NOL10: variants seen among roughly 807,000 people sequenced by gnomAD.
NOL10 encodes nucleolar protein 10.
NOL10 carries 58 observed loss-of-function variants against 103.5 expected under a neutral mutation model. The ratio of observed to expected loss-of-function variants is 0.56; its 90% CI spans 0.45 to 0.70. The LOEUF (loss-of-function observed/expected upper bound fraction) is 0.70, where lower values mean the gene tolerates loss of function less well. Among genes scored for constraint, NOL10 ranks in the 30% least tolerant of loss-of-function variants. The pLI is 0.00. For missense variants in NOL10, 763 were observed against 807.3 expected (o/e 0.95, Z 0.67); for synonymous variants, 287 against 282.5 (o/e 1.02, Z -0.16).
chr2:10,572,141 T>C lies in NOL10; in HGVS notation c.1997A>G (p.Glu666Gly). Residue 666 changes from glutamate (E) to glycine (G), a missense_variant, in exon 21 of 21, where the codon GAA becomes GGA. Coordinates refer to ENST00000381685, the MANE Select transcript of NOL10 (RefSeq NM_024894.4). ...QQEAEKLHRQ[E>G]RKRLRRSAGH... ...GGCCGAACGACGGAGTCTTTTCCTT[T>C]CTTGTCGATGCAGTTTCTCAGCCTC... 2 of 1,614,022 alleles carry C rather than the reference T, an allele frequency of 1.2e-6. No homozygotes were observed. Among genetic ancestry groups the C allele is most frequent in the Non-Finnish European group, 1.7e-6 (2 of 1,179,900 alleles).
intron 12 of NOL10, among the ~76,000 whole-genome samples, chr2:10,652,107 G>A (rs1159219349): frequency 6.6e-6 from 1 of 152,090 alleles, no homozygotes; most frequent in African/African-American, 2.4e-5. Flanking sequence ...GGGCGTGGTG[G>A]CGGGCACCTG....
At chr2:10,647,334 C>A (rs762097662) in intron 12 of NOL10, among the ~76,000 whole-genome samples, 1 of 152,206 alleles carries the variant, frequency 6.6e-6, no homozygotes, top group South Asian at 2.1e-4. Context: ...TCTACAGCTG[C>A]TCAAAGTGTG....
chr2:10,652,970 C>T (rs534095448), intron 12 of NOL10, among the ~76,000 whole-genome samples: 6 of 152,098 alleles, frequency 3.9e-5, no homozygotes, highest in Admixed American at 3.3e-4. Context: ...TGGAGGCAGG[C>T]GGATCACTTG....
chr2:10,649,628 T>C (rs151239457), intron 12 of NOL10, among the ~76,000 whole-genome samples: 127 of 152,258 alleles, frequency 8.3e-4, no homozygotes, highest in Non-Finnish European at 1.4e-3. Flanking sequence ...CCTGAAATTC[T>C]TCATAATTAA....
chr2:10,682,890 T>C lies in NOL10; in HGVS notation c.113-821A>G, dbSNP rs557614186. Among the ~76,000 whole-genome samples, 6 of 152,224 alleles carry C rather than the reference T, an allele frequency of 3.9e-5. No homozygotes were observed. The South Asian group carries it at 1.2e-3, about 32-fold the overall frequency. ...ACCTCCACCTCCCAGGTTCAAGCAATTCTCCTGCCTCAGCTTCCCAAGTAG... is the reference window on the plus strand; with the variant it reads ...ACCTCCACCTCCCAGGTTCAAGCAACTCTCCTGCCTCAGCTTCCCAAGTAG... On this transcript the variant is annotated intron_variant, in intron 2 of 20. Coordinates refer to ENST00000381685, the MANE Select transcript of NOL10 (RefSeq NM_024894.4).
intron 13 of NOL10, among the ~76,000 whole-genome samples, chr2:10,632,525 T>C (rs1677916221): frequency 6.6e-6 from 1 of 152,246 alleles, no homozygotes; most frequent in Admixed American, 6.5e-5. Context: ...GGACCTATTT[T>C]ACAACTTTGC....
chr2:10,625,004 G>A (rs995210120), intron 13 of NOL10, among the ~76,000 whole-genome samples: 3 of 152,200 alleles, frequency 2.0e-5, no homozygotes, highest in African/African-American at 7.2e-5. Flanking sequence ...ATAGGATTAA[G>A]TGAAAGAAGC....
At chr2:10,580,596 CA>C (rs1456910184) in intron 19 of NOL10, among the ~76,000 whole-genome samples, 2 of 152,024 alleles carry the variant, frequency 1.3e-5, no homozygotes, top group East Asian at 1.9e-4. Context: ...AGAAGGCTCC[CA>C]GGGGAAGAAC....
chr2:10,644,402 T>G (rs3821196), intron 12 of NOL10, 30 bp from the exon 13 acceptor site: 2 of 1,494,260 alleles, frequency 1.3e-6, no homozygotes, highest in Non-Finnish European at 1.8e-6. Context: ...AAAAGGTCAA[T>G]GCATAGGAAA....
chr2:10,597,240 A>G (rs1020532907), intron 17 of NOL10, among the ~76,000 whole-genome samples: 1 of 152,206 alleles, frequency 6.6e-6, no homozygotes, highest in Non-Finnish European at 1.5e-5. Flanking sequence ...TTTAGGTTCA[A>G]TATCAACCAT....
chr2:10,622,654 T>C (rs1274914319), intron 13 of NOL10, among the ~76,000 whole-genome samples: 1 of 152,166 alleles, frequency 6.6e-6, no homozygotes, highest in Non-Finnish European at 1.5e-5. Context: ...ATTGAGGCTA[T>C]TAGTGAGCAC....
chr2:10,659,446 G>A (rs895978107), intron 9 of NOL10, among the ~76,000 whole-genome samples, 196 bp from the exon 10 acceptor site: 2 of 151,680 alleles, frequency 1.3e-5, no homozygotes, highest in African/African-American at 4.8e-5. Flanking sequence ...GGAGGCTGAG[G>A]TGGGAGGATT....
intron 8 of NOL10, among the ~76,000 whole-genome samples, chr2:10,663,926 G>A (rs1680390064): frequency 6.6e-6 from 1 of 151,410 alleles, no homozygotes; most frequent in Admixed American, 6.6e-5. Context: ...ACTCCAGCCT[G>A]GGCGACAGAG....
At chr2:10,662,898 A>T in intron 9 of NOL10, 61 bp downstream of exon 9, 1 of 1,204,598 alleles carries the variant, frequency 8.3e-7, no homozygotes. Context: ...AATTTAATAT[A>T]GACACATTAC....
chr2:10,653,160 G>A (rs1283563666), intron 12 of NOL10, among the ~76,000 whole-genome samples: 1 of 148,486 alleles, frequency 6.7e-6, no homozygotes, highest in Non-Finnish European at 1.5e-5. Context: ...GTGCCACTGC[G>A]CTCCAGCCTG....
intron 13 of NOL10, among the ~76,000 whole-genome samples, chr2:10,619,191 G>T (rs1468797986): frequency 4.6e-5 from 7 of 151,812 alleles, no homozygotes; most frequent in Non-Finnish European, 1.0e-4. Context: ...CTGTCACCCA[G>T]GCTGGAGTAC....
chr2:10,577,772 A>G (rs752159056), intron 19 of NOL10, 34 bp from the exon 20 acceptor site: 1 of 1,373,410 alleles, frequency 7.3e-7, no homozygotes, highest in East Asian at 2.3e-5. Flanking sequence ...CACATTAATC[A>G]AAATTATGTT....
At chr2:10,579,064 A>T (rs1448634880) in intron 19 of NOL10, among the ~76,000 whole-genome samples, 1 of 152,180 alleles carries the variant, frequency 6.6e-6, no homozygotes, top group Non-Finnish European at 1.5e-5. Context: ...CTCCTAAATG[A>T]TCCTTAAGAC....
At chr2:10,672,214 C>A (rs1253479864) in intron 5 of NOL10, among the ~76,000 whole-genome samples, 1 of 152,106 alleles carries the variant, frequency 6.6e-6, no homozygotes, top group Admixed American at 6.6e-5. Flanking sequence ...GTAATCCCAG[C>A]TACTCAGGAG....
Sources: allele counts gnomAD v4.1 joint callset (sites outside exome capture counted in the v4.1 genomes callset), GRCh38; gene constraint gnomAD v4.1.1; transcripts MANE v1.5; gene names NCBI Gene and HGNC (gene_info 2026-07-23, HGNC 2026-07-21).